The following TACR3 variants were observed in gnomAD, a reference collection of about 807,000 sequenced individuals.
The protein encoded by TACR3 is tachykinin receptor 3.
Under a neutral mutation model 35.0 loss-of-function variants are expected in TACR3, and 34 were observed. The observed-to-expected ratio is 0.97, with a 90% CI of 0.74 to 1.30. The LOEUF (loss-of-function observed/expected upper bound fraction) is 1.30, where lower values mean the gene tolerates loss of function less well. Ranked by LOEUF, TACR3 falls within the 50% of genes most tolerant of loss-of-function variation. The pLI, the probability that TACR3 is intolerant of heterozygous loss-of-function variation, is 0.00. For synonymous variants in TACR3, 233 were observed against 221.1 expected (o/e 1.05, Z -0.48); for missense variants, 558 against 591.7 (o/e 0.94, Z 0.59).
At chr4:103,624,964 G>T (rs528482970) in intron 3 of TACR3, among the ~76,000 whole-genome samples, 3 of 152,118 alleles carry the variant, frequency 2.0e-5, no homozygotes, top group Admixed American at 2.0e-4. Flanking sequence ...AATGGATCAA[G>T]GGGGAGCAGC....
intron 1 of TACR3, among the ~76,000 whole-genome samples, chr4:103,715,720 T>C (rs959767839): frequency 6.6e-6 from 1 of 152,140 alleles, no homozygotes; most frequent in Non-Finnish European, 1.5e-5. Flanking sequence ...TAACCTAATC[T>C]CAAAGCATGT....
intron 1 of TACR3, among the ~76,000 whole-genome samples, chr4:103,715,786 T>C (rs1723076607): frequency 6.6e-6 from 1 of 152,180 alleles, no homozygotes; most frequent in South Asian, 2.1e-4. Context: ...ATACATCAAG[T>C]ACTATATGCC....
chr4:103,611,584 C>A (rs1724513969), intron 3 of TACR3, among the ~76,000 whole-genome samples: 1 of 152,112 alleles, frequency 6.6e-6, no homozygotes, highest in South Asian at 2.1e-4. Flanking sequence ...CTAATGCAAT[C>A]TGTACATATT....
chr4:103,642,591 G>T (rs1412663679), intron 3 of TACR3, among the ~76,000 whole-genome samples: 1 of 151,816 alleles, frequency 6.6e-6, no homozygotes, highest in Non-Finnish European at 1.5e-5. Context: ...TCACTCATAT[G>T]TGGGAACTAT....
chr4:103,677,131 G>A (rs1726186994), intron 1 of TACR3, among the ~76,000 whole-genome samples: 1 of 152,170 alleles, frequency 6.6e-6, no homozygotes, highest in African/African-American at 2.4e-5. Context: ...CTGATCATTA[G>A]AGAAATGCAT....
chr4:103,681,820 T>C (rs1722096896), intron 1 of TACR3, among the ~76,000 whole-genome samples: 1 of 152,086 alleles, frequency 6.6e-6, no homozygotes, highest in Non-Finnish European at 1.5e-5. Flanking sequence ...ACTTTTCAAG[T>C]ACAAATAGGC....
At chr4:103,680,273 C>T (rs914238134) in intron 1 of TACR3, among the ~76,000 whole-genome samples, 1 of 151,372 alleles carries the variant, frequency 6.6e-6, no homozygotes, top group Admixed American at 6.6e-5. Context: ...AGCAGTCACA[C>T]CTACAGAACA....
chr4:103,589,847 G>A lies in TACR3; in HGVS notation c.1233C>T (p.Val411=), dbSNP rs200867577. 2.5e-6 allele frequency: 4 copies of A among 1,613,872 alleles called. No individual in the cohort carries two copies. The highest frequency in any genetic ancestry group is 1.3e-5 in the African/African-American group (1 of 75,004). ...YTVTRMESMT[V]VFDPNDADTT... ...TGTCTGCATCGTTGGGGTCAAACAC[G>A]ACTGTCATGGACTCCATTCTGGTCA... Residue 411 remains valine (V), a synonymous_variant, in exon 5 of 5, where the codon GTC becomes GTT. Transcript: ENST00000304883.
chr4:103,638,806 A>C (rs900383662), intron 3 of TACR3, among the ~76,000 whole-genome samples: 3 of 152,174 alleles, frequency 2.0e-5, no homozygotes, highest in African/African-American at 7.2e-5. Context: ...TCTCAAAAGA[A>C]GACATTTATG....
At chr4:103,672,472 G>A (rs182022490) in intron 1 of TACR3, among the ~76,000 whole-genome samples, 1 of 152,228 alleles carries the variant, frequency 6.6e-6, no homozygotes, top group African/African-American at 2.4e-5. Context: ...CTCTATCAGA[G>A]CTCTTGGGTT....
intron 3 of TACR3, among the ~76,000 whole-genome samples, chr4:103,626,737 T>G (rs767273837): frequency 4.6e-5 from 7 of 152,134 alleles, no homozygotes; most frequent in African/African-American, 7.2e-5. Flanking sequence ...CAGTATAGTT[T>G]AAGGTTAAGG....
intron 3 of TACR3, among the ~76,000 whole-genome samples, chr4:103,655,027 A>G (rs746603814): frequency 6.6e-6 from 1 of 152,190 alleles, no homozygotes; most frequent in Non-Finnish European, 1.5e-5. Flanking sequence ...TTTTGAAAGA[A>G]AAATAAAATT....
chr4:103,710,909 C>A (rs894301589), intron 1 of TACR3, among the ~76,000 whole-genome samples: 1 of 152,114 alleles, frequency 6.6e-6, no homozygotes, highest in African/African-American at 2.4e-5. Context: ...GGATAAATTC[C>A]TGGACACATA....
chr4:103,664,154 G>A (rs1251836107), intron 1 of TACR3, among the ~76,000 whole-genome samples: 2 of 152,084 alleles, frequency 1.3e-5, no homozygotes, highest in African/African-American at 4.8e-5. Flanking sequence ...AGCATCTATT[G>A]AAAACTAATA....
intron 1 of TACR3, among the ~76,000 whole-genome samples, chr4:103,711,680 A>G (rs1192135489): frequency 1.3e-5 from 2 of 152,166 alleles, no homozygotes; most frequent in Non-Finnish European, 2.9e-5. Flanking sequence ...AGGGTATTCA[A>G]TTAGGAAAAG....
intron 3 of TACR3, among the ~76,000 whole-genome samples, chr4:103,635,750 G>A (rs1399658800): frequency 4.7e-5 from 7 of 150,504 alleles, no homozygotes; most frequent in African/African-American, 1.7e-4. Context: ...AATCATTGAT[G>A]TCTATAATTG....
At chr4:103,609,621 C>G (rs1185668975) in intron 3 of TACR3, among the ~76,000 whole-genome samples, 1 of 151,936 alleles carries the variant, frequency 6.6e-6, no homozygotes, top group Non-Finnish European at 1.5e-5. Flanking sequence ...ATTCAAAATC[C>G]TTTCTTTTAG....
At chr4:103,590,151 T>G (rs971345119) in intron 4 of TACR3, among the ~76,000 whole-genome samples, 157 bp from the exon 5 acceptor site, 26 of 152,170 alleles carry the variant, frequency 1.7e-4, no homozygotes, top group African/African-American at 6.0e-4. Flanking sequence ...AGTACTGTTG[T>G]TAGTCGTTTA....
intron 3 of TACR3, among the ~76,000 whole-genome samples, chr4:103,627,525 AAAAT>A (rs542240626): frequency 1.6e-3 from 246 of 152,018 alleles, no homozygotes; most frequent in African/African-American, 5.1e-3. Flanking sequence ...CTCGGTCAAA[AAAAT>A]AAATAAATAA....
Sources: allele counts gnomAD v4.1 joint callset (sites outside exome capture counted in the v4.1 genomes callset), GRCh38; gene constraint gnomAD v4.1.1; transcripts MANE v1.5; gene names NCBI Gene and HGNC (gene_info 2026-07-23, HGNC 2026-07-21).